Variants in CEP128 observed in about 807,000 individuals in gnomAD.
CEP128 encodes centrosomal protein 128kDa.
Under a neutral mutation model 156.7 loss-of-function variants are expected in CEP128, and 132 were observed. The ratio of observed to expected loss-of-function variants is 0.84; its 90% CI spans 0.73 to 0.97. CEP128 has a LOEUF of 0.97. Ranked by LOEUF, CEP128 falls within the 50% of genes least tolerant of loss-of-function variation. The pLI is 0.00. For missense variants in CEP128, 1,252 were observed against 1,281.9 expected, an observed-to-expected ratio of 0.98 and a Z score of 0.36; for synonymous variants, 469 against 448.9, an observed-to-expected ratio of 1.04 and a Z score of -0.57.
At position 80,646,351 on chromosome 14, in the gene CEP128, AT is replaced by A. The variant is rs1224375914; in HGVS notation, c.2807-65929del. Among the ~76,000 whole-genome samples the A allele has an allele frequency of 5.3e-3, 760 of 144,612 alleles. 2 individuals are homozygous for A. The highest frequency in any genetic ancestry group is 0.011 in the African/African-American group (420 of 39,948). The allele number at this position is 144,612 out of a possible 152,430, so 94.9% of individuals were successfully genotyped here. ...TATGAATGCTCTGAAAAATGAAGTC[AT>A]TTTTTTTTTTTTGAAAAAGCAAAGC... On this transcript the variant is annotated intron_variant, in intron 19 of 24. Transcript: ENST00000555265.
chr14:80,867,145 T>C (rs1174702015), intron 8 of CEP128, among the ~76,000 whole-genome samples: 4 of 152,198 alleles, frequency 2.6e-5, no homozygotes, highest in African/African-American at 7.2e-5. Context: ...TTTGAAGCCA[T>C]TATTTAGTAA....
chr14:80,528,412 CTGAG>C (rs770557513), intron 22 of CEP128, among the ~76,000 whole-genome samples: 13 of 152,232 alleles, frequency 8.5e-5, no homozygotes, highest in Non-Finnish European at 1.8e-4. Context: ...CCCCAGCCTC[CTGAG>C]TATCTGGGAT....
chr14:80,651,135 T>G (rs1468703759), intron 19 of CEP128, among the ~76,000 whole-genome samples: 1 of 151,788 alleles, frequency 6.6e-6, no homozygotes, highest in Non-Finnish European at 1.5e-5. Context: ...CTTCTTCCTT[T>G]TAGAATTAGG....
At chr14:80,775,480 C>T (rs1402879891) in intron 16 of CEP128, among the ~76,000 whole-genome samples, 8 of 152,140 alleles carry the variant, frequency 5.3e-5, no homozygotes, top group Admixed American at 3.3e-4. Context: ...AGCATGTTTG[C>T]GTGTGTATCG....
At chr14:80,910,286 A>G (rs1016310722) in intron 4 of CEP128, among the ~76,000 whole-genome samples, 9 of 152,228 alleles carry the variant, frequency 5.9e-5, no homozygotes, top group African/African-American at 1.9e-4. Flanking sequence ...TTGAATGGCT[A>G]TGATCTGGAT....
intron 8 of CEP128, among the ~76,000 whole-genome samples, chr14:80,864,214 T>A (rs1057501357): frequency 1.3e-5 from 2 of 152,224 alleles, no homozygotes; most frequent in Non-Finnish European, 2.9e-5. Context: ...TAATTGACTA[T>A]GTTATTGTCA....
intron 14 of CEP128, among the ~76,000 whole-genome samples, chr14:80,479,155 C>T (rs527252350): frequency 8.9e-4 from 135 of 152,254 alleles, no homozygotes; most frequent in African/African-American, 3.2e-3. Context: ...AAGTAAATTA[C>T]CCCAAATCGC....
At chr14:80,691,056 G>A (rs2139307785) in intron 19 of CEP128, among the ~76,000 whole-genome samples, 1 of 152,120 alleles carries the variant, frequency 6.6e-6, no homozygotes, top group African/African-American at 2.4e-5. Flanking sequence ...ACAAATTTTT[G>A]TATAGTCAAT....
intron 17 of CEP128, among the ~76,000 whole-genome samples, chr14:80,758,391 G>A (rs746867552): frequency 2.6e-5 from 4 of 151,836 alleles, no homozygotes; most frequent in Non-Finnish European, 5.9e-5. Context: ...GCGTGGTGGC[G>A]CATGCCTGTA....
intron 2 of CEP128, among the ~76,000 whole-genome samples, chr14:80,923,299 A>C (rs1884976306): frequency 6.6e-6 from 1 of 152,198 alleles, no homozygotes; most frequent in Non-Finnish European, 1.5e-5. Context: ...AAACTTGAAT[A>C]CTCCAACTAG....
At chr14:80,707,520 T>C (rs1897267689) in intron 19 of CEP128, among the ~76,000 whole-genome samples, 1 of 152,162 alleles carries the variant, frequency 6.6e-6, no homozygotes, top group Non-Finnish European at 1.5e-5. Context: ...GCAAATGGTA[T>C]TTAAATATCA....
chr14:80,657,238 T>C (rs370153462), intron 19 of CEP128, among the ~76,000 whole-genome samples: 6 of 149,686 alleles, frequency 4.0e-5, no homozygotes, highest in African/African-American at 9.8e-5. Context: ...GCCTGGGCAA[T>C]AGAGCCAGAC....
At chr14:80,678,253 G>A (rs1221551817) in intron 19 of CEP128, among the ~76,000 whole-genome samples, 6 of 151,436 alleles carry the variant, frequency 4.0e-5, no homozygotes, top group African/African-American at 1.5e-4. Flanking sequence ...ATTGGGGATA[G>A]TCCAAATCTC....
At chr14:80,867,571 C>T (rs1458261428) in intron 8 of CEP128, among the ~76,000 whole-genome samples, 1 of 151,808 alleles carries the variant, frequency 6.6e-6, no homozygotes, top group Non-Finnish European at 1.5e-5. Flanking sequence ...ATCTAAACAA[C>T]ACAATGACTG....
At chr14:80,828,674 G>T (rs1480928513) in intron 13 of CEP128, among the ~76,000 whole-genome samples, 1 of 152,180 alleles carries the variant, frequency 6.6e-6, no homozygotes, top group Non-Finnish European at 1.5e-5. Context: ...TGATGGAGCT[G>T]AGTAGGGAAG....
intron 19 of CEP128, among the ~76,000 whole-genome samples, chr14:80,609,450 A>T (rs35930082): frequency 6.6e-6 from 1 of 152,078 alleles, no homozygotes; most frequent in Non-Finnish European, 1.5e-5. Flanking sequence ...GGATCCCATT[A>T]TTATGGTTCC....
chr14:80,599,265 CTTTTTTT>C (rs375136337), intron 19 of CEP128, among the ~76,000 whole-genome samples: 2 of 85,408 alleles, frequency 2.3e-5, no homozygotes, highest in Non-Finnish European at 4.3e-5. Flanking sequence ...CAGTCATATT[CTTTTTTT>C]TTTTTTTTTT....
chr14:80,932,885 A>T (rs1248074786), intron 2 of CEP128, among the ~76,000 whole-genome samples: 3 of 150,992 alleles, frequency 2.0e-5, no homozygotes, highest in East Asian at 3.9e-4. Context: ...AGCTATTGAA[A>T]CCAAATAATA....
At chr14:80,564,819 G>C (rs1356410656) in intron 20 of CEP128, among the ~76,000 whole-genome samples, 4 of 152,208 alleles carry the variant, frequency 2.6e-5, no homozygotes, top group Admixed American at 6.5e-5. Context: ...AGCACTTTGG[G>C]AGGCTGAGGT....
Sources: gnomAD v4.1 joint callset for allele counts (sites outside exome capture counted in the v4.1 genomes callset) on GRCh38, gnomAD v4.1.1 for gene constraint, MANE v1.5 for transcripts, NCBI Gene and HGNC (gene_info 2026-07-23, HGNC 2026-07-21) for gene names.